Variants in ZMYM2 observed in about 807,000 individuals in gnomAD.
ZMYM2 encodes the protein zinc finger MYM-type protein 2.
ZMYM2 carries 56 observed loss-of-function variants against 162.8 expected under a neutral mutation model. The ratio of observed to expected loss-of-function variants is 0.34; its 90% CI spans 0.28 to 0.43. The LOEUF (loss-of-function observed/expected upper bound fraction) is 0.43. ZMYM2 is among the 20% of genes least tolerant of loss of function. ZMYM2 has a pLI of 1.00. For synonymous variants in ZMYM2, 510 were observed against 541.6 expected (o/e 0.94, Z 0.81); for missense variants, 1,275 against 1,621.8 (o/e 0.79, Z 3.67).
chr13:20,027,360 A>G, intron 9 of ZMYM2, 42 bp downstream of exon 9: 2 of 1,413,190 alleles, frequency 1.4e-6, no homozygotes, highest in Non-Finnish European at 1.9e-6. Flanking sequence ...CCAATAAAAT[A>G]CACATAGAAA....
Position 19,958,786 on chromosome 13 carries a change from A to C in ZMYM2, c.-135A>C, listed in dbSNP as rs1345564010. 1.3e-5 allele frequency: 1 copy of C among 78,352 alleles called. No individual in the cohort carries two copies. Among genetic ancestry groups the C allele is most frequent in the African/African-American group, 4.8e-5 (1 of 20,878 alleles). 4.9% of individuals were successfully genotyped at this position (78,352 alleles called of 1,614,324 possible). A position where few individuals can be genotyped will look rare whatever the true frequency, so the allele number is the denominator to read the frequency against. ...CGAGCGGAGTTGTGCGTGTCGCCGA[A>C]GGGGGGTGGGCCGGGGGAGGGGAGG... On this transcript the variant is annotated 5_prime_UTR_variant, in exon 1 of 25. Coordinates refer to ENST00000610343, the MANE Select transcript of ZMYM2 (RefSeq NM_197968.4).
At chr13:20,076,812 A>G in intron 21 of ZMYM2, among the ~76,000 whole-genome samples, 1 of 150,386 alleles carries the variant, frequency 6.6e-6, no homozygotes, top group Non-Finnish European at 1.5e-5. Context: ...ATCCTTATTC[A>G]GAGGAATTTA....
intron 2 of ZMYM2, among the ~76,000 whole-genome samples, chr13:19,982,278 T>A (rs1957398506): frequency 8.3e-6 from 1 of 120,678 alleles, no homozygotes; most frequent in Non-Finnish European, 1.6e-5. Flanking sequence ...GTCTATTAGC[T>A]GTCTTTTTTT....
In ZMYM2 at chr13:19,993,905, CTCA is replaced by C. The variant is rs753061197; in HGVS notation, c.838_840del (p.His280del). On this transcript the variant is annotated inframe_deletion, in exon 3 of 25. Transcript: ENST00000610343. Reference sequence around the variant, plus strand: ...GTTTTTCAGAATGGAGAATCTGCAACTCATCATAATCCTGGTAAGCAGTAAGAG... The same window carrying C: ...GTTTTTCAGAATGGAGAATCTGCAACTCATAATCCTGGTAAGCAGTAAGAG... 4 of 1,611,960 alleles carry C rather than the reference CTCA, an allele frequency of 2.5e-6. No individual in the cohort carries two copies. Among genetic ancestry groups the C allele is most frequent in the East Asian group, 2.2e-5 (1 of 44,862 alleles).
intron 3 of ZMYM2, among the ~76,000 whole-genome samples, chr13:19,996,948 C>T (rs780778926): frequency 6.6e-6 from 1 of 152,054 alleles, no homozygotes; most frequent in South Asian, 2.1e-4. Flanking sequence ...ATATGAGGAT[C>T]CCTTGAAGCT....
the ZMYM2 span, chr13:19,863,881 T>G: frequency 6.6e-6 from 1 of 150,966 alleles, no homozygotes; most frequent in Non-Finnish European, 1.5e-5. Flanking sequence ...CCGGTCGGGT[T>G]GTCTCCCCGC....
chr13:19,885,204 G>T, the ZMYM2 span, among the ~76,000 whole-genome samples: 369 of 152,212 alleles, frequency 2.4e-3, 2 homozygotes, highest in African/African-American at 6.7e-3. Flanking sequence ...AGCCCAGGAG[G>T]TCCAGGCTGT....
At chr13:19,942,483 G>T in the ZMYM2 span, among the ~76,000 whole-genome samples, 2 of 150,922 alleles carry the variant, frequency 1.3e-5, no homozygotes, top group Non-Finnish European at 2.9e-5. Context: ...TGGGAGGATT[G>T]CTTGAGTACA....
chr13:19,884,711 TG>T, the ZMYM2 span, among the ~76,000 whole-genome samples: 4 of 152,122 alleles, frequency 2.6e-5, no homozygotes, highest in East Asian at 7.7e-4. Context: ...GGCGGATTCC[TG>T]GTCCAGAAAA....
the ZMYM2 span, among the ~76,000 whole-genome samples, chr13:19,884,172 A>T: frequency 6.6e-5 from 10 of 152,202 alleles, no homozygotes; most frequent in Non-Finnish European, 1.0e-4. Flanking sequence ...GTTTTACAAC[A>T]GCCAGGAAAC....
chr13:19,891,628 A>T, the ZMYM2 span, among the ~76,000 whole-genome samples: 45 of 148,498 alleles, frequency 3.0e-4, no homozygotes, highest in South Asian at 9.3e-3. Flanking sequence ...AAAAAAAAAA[A>T]TTAGCTAGGC....
chr13:19,971,228 A>ATATG (rs1555278427), intron 2 of ZMYM2, among the ~76,000 whole-genome samples: 1 of 58,922 alleles, frequency 1.7e-5, no homozygotes, highest in South Asian at 5.1e-4. Flanking sequence ...GTTTATATAT[A>ATATG]TGTGTGTGTG....
intron 2 of ZMYM2, among the ~76,000 whole-genome samples, chr13:19,990,851 C>A (rs1949543699): frequency 6.6e-6 from 1 of 152,150 alleles, no homozygotes. Context: ...CCCATTCATC[C>A]TATCTACAAT....
intron 24 of ZMYM2, among the ~76,000 whole-genome samples, chr13:20,084,884 T>C (rs564013159): frequency 1.3e-5 from 2 of 152,308 alleles, no homozygotes; most frequent in Non-Finnish European, 1.5e-5. Context: ...AATAGTATCA[T>C]GTATAGGATG....
chr13:20,045,074 C>G (rs1170818281), intron 12 of ZMYM2, among the ~76,000 whole-genome samples: 1 of 123,162 alleles, frequency 8.1e-6, no homozygotes, highest in Non-Finnish European at 1.6e-5. Flanking sequence ...AAAAAAAAAG[C>G]ATGTGAAGAC....
chr13:19,919,793 T>C, the ZMYM2 span, among the ~76,000 whole-genome samples: 1 of 151,952 alleles, frequency 6.6e-6, no homozygotes, highest in Non-Finnish European at 1.5e-5. Flanking sequence ...TTCTCCTGCC[T>C]CAGCCTCCTG....
intron 7 of ZMYM2, chr13:20,025,226 A>G: frequency 5.0e-6 from 1 of 199,534 alleles, no homozygotes. Context: ...TATTGTATAG[A>G]TGCTCGTGGG....
At chr13:19,969,808 CTTTTT>C (rs915286419) in intron 2 of ZMYM2, among the ~76,000 whole-genome samples, 2 of 146,302 alleles carry the variant, frequency 1.4e-5, no homozygotes, top group African/African-American at 5.0e-5. Flanking sequence ...ATTCCTTTGA[CTTTTT>C]TTTTTTCTTT....
At chr13:19,979,575 A>C (rs1286585769) in intron 2 of ZMYM2, among the ~76,000 whole-genome samples, 4 of 152,126 alleles carry the variant, frequency 2.6e-5, no homozygotes, top group Non-Finnish European at 4.4e-5. Context: ...TGTCTCAGTA[A>C]ATCTGTGATA....
Sources: allele counts gnomAD v4.1 joint callset (sites outside exome capture counted in the v4.1 genomes callset), GRCh38; gene constraint gnomAD v4.1.1; transcripts MANE v1.5; gene names NCBI Gene and HGNC (gene_info 2026-07-23, HGNC 2026-07-21).